NOS1: variants seen among roughly 807,000 people sequenced by gnomAD.
NOS1 encodes the protein NOS type I.
A neutral mutation model predicts 164.5 loss-of-function variants in NOS1; 51 were observed. That is an observed-to-expected ratio of 0.31 (90% CI 0.25 to 0.39). The LOEUF is 0.39. Among genes scored for constraint, NOS1 ranks in the 10% least tolerant of loss-of-function variants. The pLI, the probability that NOS1 is intolerant of heterozygous loss-of-function variation, is 1.00. For missense variants in NOS1, 1,362 were observed against 1,885.6 expected, an observed-to-expected ratio of 0.72 and a Z score of 5.14; for synonymous variants, 719 against 745.8, an observed-to-expected ratio of 0.96 and a Z score of 0.59.
chr12:117,252,637 G>A (rs1291498942), intron 17 of NOS1, among the ~76,000 whole-genome samples: 3 of 152,228 alleles, frequency 2.0e-5, no homozygotes, highest in Non-Finnish European at 4.4e-5. Flanking sequence ...CTGATAGGAG[G>A]AGAGACTGTG....
intron 2 of NOS1, among the ~76,000 whole-genome samples, chr12:117,313,208 G>A (rs1010482276): frequency 2.6e-5 from 4 of 152,056 alleles, no homozygotes; most frequent in Admixed American, 6.6e-5. Context: ...ATCATTACAC[G>A]AGGAAACTAT....
intron 2 of NOS1, among the ~76,000 whole-genome samples, chr12:117,320,721 C>T (rs1189134180): frequency 6.6e-6 from 1 of 152,188 alleles, no homozygotes; most frequent in Non-Finnish European, 1.5e-5. Flanking sequence ...GCCCACCACT[C>T]TCCCTCCACT....
At chr12:117,361,368 C>G (rs1009932121) in intron 1 of NOS1, 144 bp downstream of exon 1, 1 of 151,458 alleles carries the variant, frequency 6.6e-6, no homozygotes, top group African/African-American at 2.4e-5. Flanking sequence ...CTCCCCACCC[C>G]CTCTCCCCTA....
chr12:117,236,609 A>G (rs1259714611), intron 20 of NOS1, among the ~76,000 whole-genome samples: 1 of 152,088 alleles, frequency 6.6e-6, no homozygotes, highest in Admixed American at 6.6e-5. Flanking sequence ...GGGGAGCAAA[A>G]AGACAACACC....
chr12:117,307,320 T>G (rs766665688), intron 3 of NOS1, among the ~76,000 whole-genome samples: 2 of 152,054 alleles, frequency 1.3e-5, no homozygotes, highest in East Asian at 3.9e-4. Context: ...AGAAAGACTT[T>G]TGTGTGTGTA....
At chr12:117,247,593 G>T (rs1161633164) in intron 17 of NOS1, 71 bp from the exon 18 acceptor site, 2 of 1,355,506 alleles carry the variant, frequency 1.5e-6, no homozygotes, top group Admixed American at 5.1e-5. Context: ...GGTGTAATGG[G>T]CTAAACTGTG....
At chr12:117,261,283 A>G (rs1018526273) in intron 13 of NOS1, among the ~76,000 whole-genome samples, 1 of 152,022 alleles carries the variant, frequency 6.6e-6, no homozygotes, top group Non-Finnish European at 1.5e-5. Context: ...TCCCAGGCTT[A>G]AGAACCTTGG....
chr12:117,232,054 T>C lies in NOS1; in HGVS notation c.3313A>G (p.Ile1105Val). The C allele has an allele frequency of 5.0e-6, 8 of 1,612,442 alleles. No homozygotes were observed. The highest frequency in any genetic ancestry group is 6.8e-6 in the Non-Finnish European group (8 of 1,180,006). The stretch of plus-strand genomic sequence containing the variant: ...TGCAGAGGCGTTGGTGGCGTGGTGA[T>C]GTCCAGGTAGTACTTGAAGGCCTGG... The part of the protein sequence containing the change: ...IFQAFKYYLD[I>V]TTPPTPLQLQ... Residue 1105 changes from isoleucine (I) to valine (V), a missense_variant, in exon 22 of 29, where the codon ATC becomes GTC. Physicochemically the swap from Ile to Val is conservative, Grantham distance 29 (BLOSUM62 3). This residue lies in a region of NOS1 where 737 missense variants were observed against 1,030.3 expected (regional missense o/e 0.72). Coordinates refer to ENST00000317775, the MANE Select transcript of NOS1 (RefSeq NM_000620.5).
intron 1 of NOS1, among the ~76,000 whole-genome samples, chr12:117,337,921 A>G (rs1371382435): frequency 6.6e-6 from 1 of 152,144 alleles, no homozygotes; most frequent in Non-Finnish European, 1.5e-5. Context: ...TCTACAAAAA[A>G]CACAAAAATT....
chr12:117,296,131 T>C (rs1873400469), intron 3 of NOS1, among the ~76,000 whole-genome samples: 1 of 152,188 alleles, frequency 6.6e-6, no homozygotes. Flanking sequence ...TAGATAATAC[T>C]TGTTTTCTGC....
At chr12:117,233,571 C>T (rs1473381078) in intron 21 of NOS1, among the ~76,000 whole-genome samples, 1 of 151,634 alleles carries the variant, frequency 6.6e-6, no homozygotes, top group African/African-American at 2.4e-5. Context: ...CTTTGGGAGG[C>T]CAAGGCGGGT....
intron 2 of NOS1, among the ~76,000 whole-genome samples, chr12:117,327,043 G>C (rs1875287322): frequency 6.6e-6 from 1 of 152,164 alleles, no homozygotes; most frequent in Non-Finnish European, 1.5e-5. Context: ...CTGGAGTTCT[G>C]GGGGTGTGGC....
At chr12:117,343,394 G>T (rs146301481) in intron 1 of NOS1, among the ~76,000 whole-genome samples, 5 of 152,298 alleles carry the variant, frequency 3.3e-5, no homozygotes, top group Admixed American at 1.3e-4. Context: ...TATATTGCAA[G>T]AATCAACATT....
At chr12:117,348,473 C>G (rs1215470291) in intron 1 of NOS1, 1 of 152,144 alleles carries the variant, frequency 6.6e-6, no homozygotes, top group African/African-American at 2.4e-5. Context: ...CGTCATGTTT[C>G]CCATGCTGCT....
intron 17 of NOS1, among the ~76,000 whole-genome samples, chr12:117,253,039 TCA>T (rs1245898577): frequency 6.6e-6 from 1 of 152,222 alleles, no homozygotes; most frequent in East Asian, 1.9e-4. Context: ...TAAAATTATC[TCA>T]TAGTATGTGA....
chr12:117,330,464 G>C lies in NOS1; in HGVS notation c.606C>G (p.Asn202Lys), dbSNP rs1031458060. 1 of 1,614,090 alleles carries C rather than the reference G, an allele frequency of 6.2e-7. No individual in the cohort carries two copies. The highest frequency in any genetic ancestry group is 1.3e-5 in the African/African-American group (1 of 74,934). The change falls in exon 2 of 29, where the codon AAC (asparagine) becomes AAG (lysine). Residue 202 changes from asparagine to lysine, a missense_variant. Transcript: ENST00000317775. This position sits in a 1 kb window ranked among gnomAD's most constrained non-coding sequence, Gnocchi z 4.6. Reference sequence around the variant, plus strand: ...GCTCTATCTCCTTGAGCAGTTCATTGTTCTCCCCTCTGCCTTGGAGGCTGA... The same window carrying C: ...GCTCTATCTCCTTGAGCAGTTCATTCTTCTCCCCTCTGCCTTGGAGGCTGA... Reference protein sequence around the residue: ...TRVSLQGRGENNELLKEIEPV... With the variant: ...TRVSLQGRGEKNELLKEIEPV...
chr12:117,275,983 A>G (rs1400474223), intron 9 of NOS1, among the ~76,000 whole-genome samples: 1 of 150,204 alleles, frequency 6.7e-6, no homozygotes, highest in Non-Finnish European at 1.5e-5. Context: ...CAACTTCATG[A>G]CTCCAAATTC....
intron 5 of NOS1, 62 bp downstream of exon 5, chr12:117,288,012 A>T (rs1288236387): frequency 8.8e-6 from 14 of 1,599,474 alleles, no homozygotes; most frequent in Non-Finnish European, 1.1e-5. Context: ...GTTGGGGCTG[A>T]CATCTTTCTC....
intron 28 of NOS1, among the ~76,000 whole-genome samples, chr12:117,217,582 G>A (rs1013963782): frequency 1.6e-4 from 25 of 152,202 alleles, no homozygotes; most frequent in African/African-American, 4.8e-4. Context: ...GTGCACGCCT[G>A]TAGTCCTAGC....
Sources: allele counts gnomAD v4.1 joint callset (sites outside exome capture counted in the v4.1 genomes callset), GRCh38; gene constraint gnomAD v4.1.1; regional missense constraint gnomAD v4.1.1; non-coding constraint Gnocchi (gnomAD v3.1); transcripts MANE v1.5; gene names NCBI Gene and HGNC (gene_info 2026-07-23, HGNC 2026-07-21).